The following KCTD16 variants were observed in gnomAD, a reference collection of about 807,000 sequenced individuals.
The protein encoded by KCTD16 is BTB/POZ domain-containing protein KCTD16.
KCTD16 carries 13 observed loss-of-function variants against 33.2 expected under a neutral mutation model. That is an observed-to-expected ratio of 0.39 (90% confidence interval 0.25 to 0.62). The LOEUF is 0.62. Ranked by LOEUF, KCTD16 falls within the 20% of genes least tolerant of loss-of-function variation. The pLI, the probability that KCTD16 is intolerant of heterozygous loss-of-function variation, is 0.50. For missense variants in KCTD16, 441 were observed against 525.1 expected, an observed-to-expected ratio of 0.84 and a Z score of 1.57; for synonymous variants, 197 against 195.3, an observed-to-expected ratio of 1.01 and a Z score of -0.07.
chr5:144,467,909 T>C (rs191820180), intron 3 of KCTD16, among the ~76,000 whole-genome samples: 35 of 152,278 alleles, frequency 2.3e-4, no homozygotes, highest in African/African-American at 5.8e-4. Context: ...ACAGGCTAAC[T>C]ACACTTTTCC....
At chr5:144,454,869 C>T (rs537610986) in intron 3 of KCTD16, among the ~76,000 whole-genome samples, 1 of 152,080 alleles carries the variant, frequency 6.6e-6, no homozygotes, top group Admixed American at 6.5e-5. Flanking sequence ...ATATAATGGC[C>T]AAATCCAGTG....
At position 144,262,445 on chromosome 5, in the gene KCTD16, C is replaced by T. The variant is rs74462631; in HGVS notation, c.832+54899C>T. 9.8e-3 allele frequency among the ~76,000 whole-genome samples: 1,493 copies of T among 152,246 alleles called. 21 individuals carry two copies. Among genetic ancestry groups the T allele is most frequent in the African/African-American group, 0.034 (1,403 of 41,546 alleles). Reference sequence around the variant, plus strand: ...CAAGCAAGGAAATAACATGACTGACCTGATTTATGTTTTAAAACTAGCAAA... The same window carrying T: ...CAAGCAAGGAAATAACATGACTGACTTGATTTATGTTTTAAAACTAGCAAA... On this transcript the variant is annotated intron_variant, in intron 3 of 3. Transcript: ENST00000512467.
chr5:144,465,856 T>C (rs529409683), intron 3 of KCTD16, among the ~76,000 whole-genome samples: 1 of 151,252 alleles, frequency 6.6e-6, no homozygotes, highest in African/African-American at 2.4e-5. Flanking sequence ...CTATAGATTG[T>C]TGTAGACCGG....
At chr5:144,179,821 T>G (rs534177298) in intron 2 of KCTD16, among the ~76,000 whole-genome samples, 1 of 152,378 alleles carries the variant, frequency 6.6e-6, no homozygotes, top group South Asian at 2.1e-4. Context: ...AAAATAATGT[T>G]GTTTGTGGTA....
chr5:144,424,870 A>G (rs1753289008), intron 3 of KCTD16, among the ~76,000 whole-genome samples: 1 of 152,190 alleles, frequency 6.6e-6, no homozygotes, highest in Non-Finnish European at 1.5e-5. Flanking sequence ...CACAATGGCA[A>G]TTAAATTTCC....
intron 3 of KCTD16, among the ~76,000 whole-genome samples, chr5:144,394,557 C>T (rs1444316199): frequency 6.6e-6 from 1 of 152,180 alleles, no homozygotes; most frequent in Non-Finnish European, 1.5e-5. Context: ...GGCTATATCC[C>T]CACCCAAATC....
chr5:144,451,938 G>A (rs1401128980), intron 3 of KCTD16, among the ~76,000 whole-genome samples: 1 of 152,020 alleles, frequency 6.6e-6, no homozygotes, highest in African/African-American at 2.4e-5. Flanking sequence ...GGGAAGGAGG[G>A]AGGGAAAGAA....
chr5:144,217,434 G>T (rs1753599354), intron 3 of KCTD16, among the ~76,000 whole-genome samples: 1 of 152,084 alleles, frequency 6.6e-6, no homozygotes, highest in Non-Finnish European at 1.5e-5. Flanking sequence ...CCCAATAAAA[G>T]TATATCTTAG....
At chr5:144,317,093 TG>T (rs968319295) in intron 3 of KCTD16, among the ~76,000 whole-genome samples, 5 of 152,082 alleles carry the variant, frequency 3.3e-5, no homozygotes, top group African/African-American at 1.2e-4. Context: ...CCCAAAGTGC[TG>T]GGATTACAGG....
At chr5:144,382,158 T>A (rs1752230446) in intron 3 of KCTD16, among the ~76,000 whole-genome samples, 1 of 152,060 alleles carries the variant, frequency 6.6e-6, no homozygotes, top group Admixed American at 6.6e-5. Context: ...GAAAATCAAA[T>A]ACTACATATT....
intron 2 of KCTD16, among the ~76,000 whole-genome samples, chr5:144,194,340 G>A (rs1752900772): frequency 6.6e-6 from 1 of 152,168 alleles, no homozygotes; most frequent in Non-Finnish European, 1.5e-5. Flanking sequence ...TTACAACACT[G>A]CCGTATGGTG....
At chr5:144,272,853 G>A (rs1755338139) in intron 3 of KCTD16, among the ~76,000 whole-genome samples, 1 of 152,038 alleles carries the variant, frequency 6.6e-6, no homozygotes, top group Non-Finnish European at 1.5e-5. Context: ...AGATCTAAAT[G>A]TAAGACCCAA....
chr5:144,237,687 A>G (rs1411554556), intron 3 of KCTD16, among the ~76,000 whole-genome samples: 1 of 152,124 alleles, frequency 6.6e-6, no homozygotes, highest in African/African-American at 2.4e-5. Flanking sequence ...ACAACAGTCC[A>G]CGTCGTTGAT....
intron 3 of KCTD16, among the ~76,000 whole-genome samples, chr5:144,438,039 A>T (rs1020644477): frequency 4.6e-5 from 7 of 152,250 alleles, no homozygotes; most frequent in Admixed American, 4.6e-4. Context: ...AATAATTTTT[A>T]AAATATTGAT....
chr5:144,269,132 G>A (rs1264612222), intron 3 of KCTD16, among the ~76,000 whole-genome samples: 1 of 152,010 alleles, frequency 6.6e-6, no homozygotes, highest in African/African-American at 2.4e-5. Flanking sequence ...ACACATTGTG[G>A]GGCTCATAGA....
At position 144,241,270 on chromosome 5, in the gene KCTD16, C is replaced by T. The variant is rs544104355; in HGVS notation, c.832+33724C>T. ...CAATTCCTGACTTTACTCATGTTCT[C>T]AAAACATTTTTCAGAAGCATTGAAA... On this transcript the variant is annotated intron_variant, in intron 3 of 3. Transcript: ENST00000512467. Among the ~76,000 whole-genome samples the T allele has an allele frequency of 2.0e-3, 301 of 152,232 alleles. 1 individual carries two copies. In the Middle Eastern group the frequency reaches 0.02, roughly 10 times the overall value.
intron 3 of KCTD16, among the ~76,000 whole-genome samples, chr5:144,228,159 A>G (rs1580805039): frequency 6.6e-6 from 1 of 152,146 alleles, no homozygotes; most frequent in East Asian, 1.9e-4. Flanking sequence ...ATGCAGTAAG[A>G]AAAGAGAGTA....
At chr5:144,350,450 A>C (rs748972936) in intron 3 of KCTD16, among the ~76,000 whole-genome samples, 5 of 152,186 alleles carry the variant, frequency 3.3e-5, no homozygotes, top group African/African-American at 4.8e-5. Context: ...CTGATATGTT[A>C]ATTTTTTACA....
At chr5:144,276,641 C>T (rs534088067) in intron 3 of KCTD16, among the ~76,000 whole-genome samples, 67 of 152,258 alleles carry the variant, frequency 4.4e-4, no homozygotes, top group Middle Eastern at 3.4e-3. Context: ...CGATGGCTCA[C>T]GCCTGTAATC....
Sources: allele counts gnomAD v4.1 joint callset (sites outside exome capture counted in the v4.1 genomes callset), GRCh38; gene constraint gnomAD v4.1.1; transcripts MANE v1.5; gene names NCBI Gene and HGNC (gene_info 2026-07-23, HGNC 2026-07-21).